CDHR3: variants seen among roughly 807,000 people sequenced by gnomAD.
The protein encoded by CDHR3 is cadherin-related family member 3.
A neutral mutation model predicts 86.6 loss-of-function variants in CDHR3; 79 were observed. The observed-to-expected ratio is 0.91, with a 90% CI of 0.76 to 1.10. The LOEUF (loss-of-function observed/expected upper bound fraction) is 1.10, where lower values mean the gene tolerates loss of function less well. CDHR3 is among the 50% of genes least tolerant of loss of function. The pLI is 0.00. For synonymous variants in CDHR3, 421 were observed against 402.4 expected (o/e 1.05, Z -0.55); for missense variants, 1,081 against 1,077.6 (o/e 1.00, Z -0.04).
rs943844602 is a variant in CDHR3, at chr7:106,035,529, A to C, written c.*2832A>C. Among the ~76,000 whole-genome samples the C allele has an allele frequency of 9.2e-5, 14 of 152,244 alleles. No homozygotes were observed. The highest frequency in any genetic ancestry group is 2.9e-5 in the Non-Finnish European group (2 of 68,038). On this transcript the variant is annotated 3_prime_UTR_variant, in exon 19 of 19. Coordinates refer to ENST00000317716, the MANE Select transcript of CDHR3 (RefSeq NM_152750.5). ...AGAGAAAGAATGAGGCAACGAAAGA[A>C]TGAAAGCAGGGATTTATTGAAAACC...
At chr7:105,975,170 C>A (rs1363189125) in intron 2 of CDHR3, 124 bp downstream of exon 2, 6 of 862,842 alleles carry the variant, frequency 7.0e-6, no homozygotes, top group Admixed American at 3.8e-5. Flanking sequence ...CTTGTAAGGT[C>A]CAGGAGTCCT....
At chr7:106,016,934 T>G (rs1835724095) in intron 11 of CDHR3, among the ~76,000 whole-genome samples, 1 of 152,066 alleles carries the variant, frequency 6.6e-6, no homozygotes. Flanking sequence ...GGATACAGAA[T>G]TGAAAAAGAG....
chr7:105,971,106 A>T (rs574821198), intron 1 of CDHR3, among the ~76,000 whole-genome samples: 1 of 149,792 alleles, frequency 6.7e-6, no homozygotes, highest in African/African-American at 2.5e-5. Flanking sequence ...GCGCCACTGC[A>T]TTCCAGCCTG....
In CDHR3 at chr7:105,980,532, T is replaced by C. The variant is rs538088302; in HGVS notation, c.250-436T>C. ...TCTTAACAATGAGGAAATCTAACTA[T>C]ATTCAGGGTAGTTAAAGGATTTTTC... On this transcript the variant is annotated intron_variant, in intron 2 of 18. Transcript: ENST00000317716. Among the ~76,000 whole-genome samples, 3 of 151,006 alleles carry C rather than the reference T, an allele frequency of 2.0e-5. No homozygotes were observed. In the South Asian group the frequency reaches 6.2e-4, roughly 31 times the overall value.
chr7:105,992,057 C>T (rs768242394), intron 4 of CDHR3, among the ~76,000 whole-genome samples: 7 of 152,202 alleles, frequency 4.6e-5, no homozygotes, highest in Non-Finnish European at 7.3e-5. Context: ...AAGAGTCCTT[C>T]TTCTCAGTTC....
chr7:105,989,447 G>A (rs1410295038), intron 4 of CDHR3, among the ~76,000 whole-genome samples: 1 of 151,956 alleles, frequency 6.6e-6, no homozygotes, highest in Non-Finnish European at 1.5e-5. Flanking sequence ...CATTGAGGAA[G>A]GGCTTTTGCA....
intron 1 of CDHR3, among the ~76,000 whole-genome samples, chr7:105,972,129 G>A (rs1828074254): frequency 6.6e-6 from 1 of 152,156 alleles, no homozygotes; most frequent in African/African-American, 2.4e-5. Context: ...AATGGTGACA[G>A]CAGTATAATC....
intron 18 of CDHR3, 64 bp from the exon 19 acceptor site, chr7:106,032,329 T>A (rs922927038): frequency 5.5e-6 from 8 of 1,461,122 alleles, no homozygotes; most frequent in South Asian, 1.3e-5. Context: ...AGGGTAGAAG[T>A]GGGGGAAGAG....
Position 106,022,092 on chromosome 7 carries a change from G to C in CDHR3, c.1826-106G>C, listed in dbSNP as rs529011108. The C allele has an allele frequency of 1.9e-4, 255 of 1,332,656 alleles. 4 individuals carry two copies. The South Asian group carries it at 3.2e-3, about 17-fold the overall frequency. 82.6% of individuals were successfully genotyped at this position (1,332,656 alleles called of 1,614,324 possible). On this transcript the variant is annotated intron_variant, in intron 13 of 18. Coordinates refer to ENST00000317716, the MANE Select transcript of CDHR3 (RefSeq NM_152750.5). ...TATCAGAGACACAGTCTACACTTGA[G>C]GTGTGGACATTTGAGAAAAAGATTG...
chr7:106,018,110 C>T (rs1374126071), intron 12 of CDHR3, 38 bp downstream of exon 12: 19 of 1,563,566 alleles, frequency 1.2e-5, no homozygotes, highest in Non-Finnish European at 1.7e-5. Context: ...GGTAACCCAA[C>T]TGGTTGACTT....
At chr7:106,007,748 C>T (rs1044531755) in intron 8 of CDHR3, among the ~76,000 whole-genome samples, 1 of 152,222 alleles carries the variant, frequency 6.6e-6, no homozygotes, top group African/African-American at 2.4e-5. Context: ...TTCCTGTCTT[C>T]TTTTAAGCCC....
rs1209029367 is a variant in CDHR3, at chr7:106,001,472, G to A, written c.724G>A (p.Val242Met). Residue 242 changes from valine (V) to methionine (M), a missense_variant, in exon 7 of 19, where the codon GTG (valine) becomes ATG (methionine). Transcript: ENST00000317716. ...GTATCTCTGTTCCAGCCCGACACGA[G>A]TGTACACAGTCCTGGAGGAACTGAG... ...EVPRFTSPTR[V>M]YTVLEELSPG... 1.2e-6 allele frequency: 2 copies of A among 1,614,006 alleles called. No homozygotes were observed. Among genetic ancestry groups the A allele is most frequent in the South Asian group, 1.1e-5 (1 of 91,084 alleles).
chr7:106,023,035 T>A (rs938672457), intron 14 of CDHR3, among the ~76,000 whole-genome samples: 8 of 152,212 alleles, frequency 5.3e-5, no homozygotes, highest in African/African-American at 1.9e-4. Flanking sequence ...TCAGAAAGCT[T>A]ATTGTATAGG....
At chr7:106,032,249 A>G (rs1331858701) in intron 18 of CDHR3, 144 bp from the exon 19 acceptor site, 1 of 798,430 alleles carries the variant, frequency 1.3e-6, no homozygotes, top group Non-Finnish European at 1.9e-6. Flanking sequence ...CTATTCACAC[A>G]CCTACTGTCT....
At chr7:105,975,374 T>A (rs921460371) in intron 2 of CDHR3, among the ~76,000 whole-genome samples, 1 of 152,226 alleles carries the variant, frequency 6.6e-6, no homozygotes, top group African/African-American at 2.4e-5. Context: ...GTGGAGTAGT[T>A]TGGATATTGA....
chr7:106,022,219 C>G lies in CDHR3; in HGVS notation c.1847C>G (p.Thr616Ser), dbSNP rs774421064. The G allele has an allele frequency of 1.2e-6, 2 of 1,613,914 alleles. No homozygotes were observed. Among genetic ancestry groups the G allele is most frequent in the Non-Finnish European group, 1.7e-6 (2 of 1,179,898 alleles). ...TTAGGTAACGTCAACAATCATTTCA[C>G]CTTCTCTCCCAATGCTGGTTCCAAT... ...IGPGNVNNHF[T>S]FSPNAGSNVT... The change falls in exon 14 of 19, where the codon ACC (threonine) becomes AGC (serine). Residue 616 changes from threonine to serine, a missense_variant. By Grantham distance (58) the Thr-to-Ser change is moderately conservative. Coordinates refer to ENST00000317716, the MANE Select transcript of CDHR3 (RefSeq NM_152750.5).
intron 9 of CDHR3, among the ~76,000 whole-genome samples, chr7:106,013,421 G>A (rs3887998): frequency 0.44 from 66,493 of 151,996 alleles, 15,132 homozygotes; most frequent in African/African-American, 0.56. Context: ...GTATGTCTGG[G>A]TAAATTCCAC....
At chr7:106,015,005 G>A (rs575214288) in intron 9 of CDHR3, 106 bp from the exon 10 acceptor site, 82 of 849,076 alleles carry the variant, frequency 9.7e-5, no homozygotes, top group South Asian at 1.4e-4. Context: ...TGCCAAAAGC[G>A]TTTTGCCAAT....
intron 2 of CDHR3, among the ~76,000 whole-genome samples, chr7:105,976,323 C>T (rs981413157): frequency 6.6e-6 from 1 of 152,158 alleles, no homozygotes; most frequent in Admixed American, 6.5e-5. Context: ...CTCCTTTTCA[C>T]AGATGGGGAA....
Sources: gnomAD v4.1 joint callset for allele counts (sites outside exome capture counted in the v4.1 genomes callset) on GRCh38, gnomAD v4.1.1 for gene constraint, MANE v1.5 for transcripts, NCBI Gene and HGNC (gene_info 2026-07-23, HGNC 2026-07-21) for gene names.